COL14A1: variants seen among roughly 807,000 people sequenced by gnomAD.
COL14A1 encodes the protein collagen alpha-1(XIV) chain.
Under a neutral mutation model 230.3 loss-of-function variants are expected in COL14A1, and 136 were observed. The observed-to-expected ratio is 0.59, with a 90% CI of 0.51 to 0.68. The LOEUF is 0.68. COL14A1 is among the 30% of genes least tolerant of loss of function. COL14A1 has a pLI of 0.00. For missense variants in COL14A1, 1,976 were observed against 2,215.8 expected (o/e 0.89, Z 2.17); for synonymous variants, 792 against 784.1 (o/e 1.01, Z -0.17).
At position 120,367,195 on chromosome 8, in the gene COL14A1, A is replaced by C; in HGVS notation, c.5102A>C (p.Lys1701Thr). 6.2e-7 allele frequency: 1 copy of C among 1,613,458 alleles called. No individual in the cohort carries two copies. Among genetic ancestry groups the C allele is most frequent in the South Asian group, 1.1e-5 (1 of 90,934 alleles). ...GGTCTAACTGGTATCAAAGGAGAAA[A>C]AGGAAATCCAGGCGTTGGAACCCAA... Reference protein sequence around the residue: ...ERGLTGIKGEKGNPGVGTQGP... With the variant: ...ERGLTGIKGETGNPGVGTQGP... The change falls in exon 46 of 48, where the codon AAA becomes ACA. Residue 1701 changes from lysine to threonine, a missense_variant. By Grantham distance (78) the Lys-to-Thr change is moderately conservative. This residue lies in a region of COL14A1 where 1,791 missense variants were observed against 2,019.5 expected (regional missense o/e 0.89). Transcript: ENST00000297848.
intron 1 of COL14A1, among the ~76,000 whole-genome samples, chr8:120,130,319 A>G (rs966621773): frequency 1.3e-5 from 2 of 152,186 alleles, no homozygotes; most frequent in African/African-American, 2.4e-5. Flanking sequence ...AGTAGCACCA[A>G]TCTAGGCAAC....
chr8:120,153,923 G>A (rs1313764227), intron 2 of COL14A1, among the ~76,000 whole-genome samples: 2 of 152,090 alleles, frequency 1.3e-5, no homozygotes, highest in South Asian at 2.1e-4. Context: ...CAGATTCTTG[G>A]GAGAGTCTGC....
intron 18 of COL14A1, 78 bp downstream of exon 18, chr8:120,228,847 A>T: frequency 8.1e-7 from 1 of 1,237,046 alleles, no homozygotes; most frequent in Non-Finnish European, 1.2e-6. Flanking sequence ...GGTTTTATTT[A>T]TTATTAACTA....
At chr8:120,343,270 A>C (rs1044046289) in intron 44 of COL14A1, among the ~76,000 whole-genome samples, 1 of 152,124 alleles carries the variant, frequency 6.6e-6, no homozygotes, top group Non-Finnish European at 1.5e-5. Flanking sequence ...GAGGTGAACT[A>C]TCTCTCTCAA....
At chr8:120,359,947 T>C (rs534531242) in intron 45 of COL14A1, among the ~76,000 whole-genome samples, 1 of 152,200 alleles carries the variant, frequency 6.6e-6, no homozygotes, top group South Asian at 2.1e-4. Context: ...CTGCACTTCC[T>C]CCCTCTCGCT....
Position 120,285,979 on chromosome 8 carries a change from T to C in COL14A1, c.4077+9T>C. The C allele has an allele frequency of 7.5e-7, 1 of 1,341,574 alleles. No individual in the cohort carries two copies. Among genetic ancestry groups the C allele is most frequent in the Non-Finnish European group, 1.1e-6 (1 of 933,422 alleles). 83.1% of individuals were successfully genotyped at this position (1,341,574 alleles called of 1,614,324 possible). Reference sequence around the variant, plus strand: ...ATGGAAGCTTTCACAAGGTTAGTAATGCTTTGTATGCATATATTCTTTATT... The same window carrying C: ...ATGGAAGCTTTCACAAGGTTAGTAACGCTTTGTATGCATATATTCTTTATT... On this transcript the variant is annotated intron_variant, in intron 33 of 47. Coordinates refer to ENST00000297848, the MANE Select transcript of COL14A1 (RefSeq NM_021110.4).
intron 1 of COL14A1, among the ~76,000 whole-genome samples, chr8:120,137,059 T>A (rs529784914): frequency 6.6e-6 from 1 of 152,092 alleles, no homozygotes; most frequent in East Asian, 1.9e-4. Flanking sequence ...TCCTTAAATA[T>A]TTCATAGAAT....
intron 14 of COL14A1, among the ~76,000 whole-genome samples, chr8:120,223,675 A>C (rs1586781011): frequency 6.6e-6 from 1 of 152,146 alleles, no homozygotes; most frequent in African/African-American, 2.4e-5. Context: ...TGTCTCCAAA[A>C]AACAACAACA....
rs2198750 is a variant in COL14A1 at position 120,341,643 on chromosome 8, G to C, written c.4821+283G>C. ...TAAGGATAAAATGGAGAGAATCACC[G>C]TCATATAATTTACAAAGTGGGTTTG... On this transcript the variant is annotated intron_variant, in intron 43 of 47. Coordinates refer to ENST00000297848, the MANE Select transcript of COL14A1 (RefSeq NM_021110.4). Among the ~76,000 whole-genome samples, 77,483 of 152,000 alleles carry C rather than the reference G, an allele frequency of 0.51. 20,569 individuals carry two copies. The highest frequency in any genetic ancestry group is 0.68 in the African/African-American group (28,182 of 41,482).
At chr8:120,214,823 C>CTGTT (rs990220061) in intron 13 of COL14A1, among the ~76,000 whole-genome samples, 3 of 152,022 alleles carry the variant, frequency 2.0e-5, no homozygotes, top group Non-Finnish European at 2.9e-5. Flanking sequence ...AGTGGAAGAG[C>CTGTT]TGTTGCACGT....
chr8:120,262,793 C>A, intron 23 of COL14A1, 75 bp from the exon 24 acceptor site: 1 of 1,456,442 alleles, frequency 6.9e-7, no homozygotes, highest in Non-Finnish European at 9.3e-7. Flanking sequence ...ATTTTAGAAG[C>A]AAATCATCTG....
intron 5 of COL14A1, among the ~76,000 whole-genome samples, chr8:120,187,001 T>C (rs1337814539): frequency 1.3e-5 from 2 of 152,138 alleles, no homozygotes; most frequent in Non-Finnish European, 2.9e-5. Context: ...ATGAGTTCCA[T>C]CTAAGGACAG....
Position 120,172,256 on chromosome 8 carries a change from G to A in COL14A1, c.436+4009G>A, listed in dbSNP as rs562909942. Among the ~76,000 whole-genome samples, 4 of 152,012 alleles carry A rather than the reference G, an allele frequency of 2.6e-5. No individual in the cohort carries two copies. The East Asian group carries it at 7.7e-4, about 29-fold the overall frequency. ...ACTTATGCGTCCTGGGTTCTAATGA[G>A]TCTCCTGCCTCAGCCTCCTGAGTAG... On this transcript the variant is annotated intron_variant, in intron 5 of 47. Coordinates refer to ENST00000297848, the MANE Select transcript of COL14A1 (RefSeq NM_021110.4).
At position 120,185,453 on chromosome 8, in the gene COL14A1, G is replaced by A. The variant is rs571144387; in HGVS notation, c.437-11338G>A. 4.7e-4 allele frequency among the ~76,000 whole-genome samples: 72 copies of A among 152,088 alleles called. 1 individual carries two copies. Among genetic ancestry groups the A allele is most frequent in the Non-Finnish European group, 9.1e-4 (62 of 68,020 alleles). ...CAGGATCGCTTGAGCCCAGGAGTTC[G>A]AGACCAGCCAAGGCAACACAGTGAG... On this transcript the variant is annotated intron_variant, in intron 5 of 47. Coordinates refer to ENST00000297848, the MANE Select transcript of COL14A1 (RefSeq NM_021110.4).
chr8:120,213,823 A>G (rs1434448529), intron 13 of COL14A1: 2 of 269,526 alleles, frequency 7.4e-6, no homozygotes, highest in East Asian at 1.2e-4. Flanking sequence ...AGTAAATTAG[A>G]CACTATTCTA....
chr8:120,210,759 T>C (rs1163880777), intron 12 of COL14A1, among the ~76,000 whole-genome samples: 1 of 152,154 alleles, frequency 6.6e-6, no homozygotes, highest in African/African-American at 2.4e-5. Context: ...TCTAAAATTG[T>C]GTAAAGCCTG....
chr8:120,233,467 C>CT (rs35717441), intron 19 of COL14A1, among the ~76,000 whole-genome samples: 89,193 of 151,922 alleles, frequency 0.59, 27,546 homozygotes, highest in East Asian at 0.78. Flanking sequence ...TTGCCTGTTT[C>CT]TTTTTTTGTC....
chr8:120,247,745 G>A lies in COL14A1; in HGVS notation c.2602+10G>A. The A allele has an allele frequency of 6.2e-7, 1 of 1,612,412 alleles. No individual in the cohort carries two copies. Among genetic ancestry groups the A allele is most frequent in the Non-Finnish European group, 8.5e-7 (1 of 1,179,452 alleles). On this transcript the variant is annotated intron_variant, in intron 21 of 47. Transcript: ENST00000297848. ...TACAAACCTGTCAGTGGTAAGTAAT[G>A]CTTTGTAAATAATGTTGATACCATG...
At chr8:120,165,025 T>C (rs1166669538) in intron 4 of COL14A1, among the ~76,000 whole-genome samples, 3 of 152,242 alleles carry the variant, frequency 2.0e-5, no homozygotes, top group Non-Finnish European at 4.4e-5. Flanking sequence ...AAGATAGCTG[T>C]AGAGAAACAA....
Sources: gnomAD v4.1 joint callset for allele counts (sites outside exome capture counted in the v4.1 genomes callset) on GRCh38, gnomAD v4.1.1 for gene constraint, gnomAD v4.1.1 regional missense constraint, MANE v1.5 for transcripts, NCBI Gene and HGNC (gene_info 2026-07-23, HGNC 2026-07-21) for gene names.